GYS1: variants seen among roughly 807,000 people sequenced by gnomAD.
GYS1 encodes the protein glycogen [starch] synthase, muscle.
GYS1 carries 60 observed loss-of-function variants against 89.1 expected under a neutral mutation model. That is an observed-to-expected ratio of 0.67 (90% CI 0.55 to 0.84). The LOEUF (loss-of-function observed/expected upper bound fraction) is 0.84, where lower values mean the gene tolerates loss of function less well. GYS1 is among the 40% of genes least tolerant of loss of function. The pLI is 0.00. For synonymous variants in GYS1, 366 were observed against 401.7 expected (o/e 0.91, Z 1.06); for missense variants, 888 against 1,003.1 (o/e 0.89, Z 1.55).
At position 48,968,974 on chromosome 19, in the gene GYS1, T is replaced by C; in HGVS notation, c.*314A>G. On this transcript the variant is annotated 3_prime_UTR_variant, in exon 16 of 16. Coordinates refer to ENST00000323798, the MANE Select transcript of GYS1 (RefSeq NM_002103.5). ...CCAGACCTGAAAGCACCATGCCAGG[T>C]TTCCTAAAACCTCTGGCACCACCGC... is the stretch of plus-strand genomic sequence containing the variant. The C allele has an allele frequency of 3.4e-6, 2 of 584,954 alleles. No homozygotes were observed. The highest frequency in any genetic ancestry group is 6.4e-6 in the Non-Finnish European group (2 of 311,030). 36.2% of individuals were successfully genotyped at this position (584,954 alleles called of 1,614,324 possible).
intron 7 of GYS1, among the ~76,000 whole-genome samples, 174 bp from the exon 8 acceptor site, chr19:48,981,810 C>T (rs752845822): frequency 6.6e-6 from 1 of 152,198 alleles, no homozygotes; most frequent in Non-Finnish European, 1.5e-5. Context: ...ACTCCCCTCA[C>T]GGCCCCCCAC....
chr19:48,988,668 G>A (rs1287757122), intron 2 of GYS1, among the ~76,000 whole-genome samples: 1 of 152,116 alleles, frequency 6.6e-6, no homozygotes, highest in Non-Finnish European at 1.5e-5. Flanking sequence ...AGCCTGGAAG[G>A]GAGTGGTGCA....
chr19:48,980,676 C>CA (rs1252218454), intron 8 of GYS1, among the ~76,000 whole-genome samples: 5 of 145,274 alleles, frequency 3.4e-5, no homozygotes, highest in Non-Finnish European at 6.1e-5. Context: ...AAAAAAAAAT[C>CA]AGAGAAAAGA....
At chr19:48,974,390 C>T (rs1445006373) in intron 11 of GYS1, 51 bp from the exon 12 acceptor site, 2 of 1,604,490 alleles carry the variant, frequency 1.2e-6, no homozygotes, top group East Asian at 2.2e-5. Flanking sequence ...TAGCTAAGCC[C>T]TGAGATCCCA....
intron 2 of GYS1, among the ~76,000 whole-genome samples, chr19:48,987,736 A>G (rs564158525): frequency 3.9e-4 from 59 of 151,822 alleles, no homozygotes; most frequent in African/African-American, 1.4e-3. Flanking sequence ...TCCCGGGTTC[A>G]AGCAATTCTC....
chr19:48,984,618 T>A lies in GYS1; in HGVS notation c.823+843A>T, dbSNP rs542704549. ...GCCATGTTGGCCAGGCTGGTCTCGA[T>A]CTCCTGACCTCGTGATCTGCCCGCC... On this transcript the variant is annotated intron_variant, in intron 5 of 15. Transcript: ENST00000323798. 7.9e-5 allele frequency among the ~76,000 whole-genome samples: 12 copies of A among 152,012 alleles called. No homozygotes were observed. The South Asian group carries it at 1.2e-3, about 16-fold the overall frequency.
chr19:48,984,810 G>C (rs999693087), intron 5 of GYS1, among the ~76,000 whole-genome samples: 1 of 152,010 alleles, frequency 6.6e-6, no homozygotes, highest in African/African-American at 2.4e-5. Flanking sequence ...GAACCTGGGA[G>C]GCGGAGCTTA....
Position 48,969,303 on chromosome 19 carries a change from GC to G in GYS1, c.2198del (p.Gly733AlafsTer109). 1 of 1,564,672 alleles carries G rather than the reference GC, an allele frequency of 6.4e-7. No individual in the cohort carries two copies. The highest frequency in any genetic ancestry group is 8.6e-7 in the Non-Finnish European group (1 of 1,162,726). On this transcript the variant is annotated frameshift_variant, in exon 16 of 16. Coordinates refer to ENST00000323798, the MANE Select transcript of GYS1 (RefSeq NM_002103.5). LOFTEE classifies it high-confidence loss of function. ...SEPLSPTSSL[G>X]EERN ...TGGGGCGGACTTAGTTACGCTCCTC[GC>G]CCAGGGAGCTGGTGGGGCTGAGGGG...
rs2287754 is a variant in GYS1, at chr19:48,993,237, G to T, written c.-125C>A. ...CCGACGGGAAGCTTGCAAGACGCTCGGCTTCCTATTGCAAGACCGCACCCC... is the reference window on the plus strand; with the variant it reads ...CCGACGGGAAGCTTGCAAGACGCTCTGCTTCCTATTGCAAGACCGCACCCC... On this transcript the variant is annotated 5_prime_UTR_variant, in exon 1 of 16. Transcript: ENST00000323798. 1 of 759,216 alleles carries T rather than the reference G, an allele frequency of 1.3e-6. No homozygotes were observed. The highest frequency in any genetic ancestry group is 2.4e-6 in the Non-Finnish European group (1 of 415,494). 47.0% of individuals were successfully genotyped at this position (759,216 alleles called of 1,614,324 possible).
Position 48,991,348 on chromosome 19 carries a change from G to T in GYS1, c.254C>A (p.Pro85Gln). The T allele has an allele frequency of 6.8e-6, 11 of 1,614,036 alleles. No homozygotes were observed. Among genetic ancestry groups the T allele is most frequent in the Non-Finnish European group, 9.3e-6 (11 of 1,180,038 alleles). ...GGAATCCAGTGTCCTCTTCAGGGCC[G>T]GGGTGGGGGCCTCCAGCAGTTCCAC... ...TQVELLEAPT[P>Q]ALKRTLDSMN... Residue 85 changes from proline to glutamine, a missense_variant, in exon 2 of 16, where the codon CCG becomes CAG. Physicochemically the swap from Pro to Gln is moderately conservative, Grantham distance 76. Coordinates refer to ENST00000323798, the MANE Select transcript of GYS1 (RefSeq NM_002103.5). The surrounding 1 kb of genome is among the most constrained non-coding windows in gnomAD (Gnocchi z 4.7).
chr19:48,974,182 G>T, intron 12 of GYS1, 31 bp downstream of exon 12: 1 of 1,570,148 alleles, frequency 6.4e-7, no homozygotes, highest in South Asian at 1.2e-5. Flanking sequence ...AGGATGCCAT[G>T]ACCACGCTGT....
intron 1 of GYS1, among the ~76,000 whole-genome samples, chr19:48,992,312 C>A (rs576616596): frequency 6.6e-6 from 1 of 152,270 alleles, no homozygotes; most frequent in East Asian, 1.9e-4. Flanking sequence ...CTTTCTGAAG[C>A]CCAAGACACA....
rs13306417 is a variant in GYS1 at position 48,981,818 on chromosome 19, C to T, written c.1063-182G>A. 0.047 allele frequency among the ~76,000 whole-genome samples: 7,140 copies of T among 152,230 alleles called. 238 individuals are homozygous for T. Among genetic ancestry groups the T allele is most frequent in the East Asian group, 0.18 (947 of 5,176 alleles). On this transcript the variant is annotated intron_variant, in intron 7 of 15. Coordinates refer to ENST00000323798, the MANE Select transcript of GYS1 (RefSeq NM_002103.5). Reference sequence around the variant, plus strand: ...TCTCTATACTCCCCTCACGGCCCCCCACCATACTCAGGGGCTTTCCTACCC... The same window carrying T: ...TCTCTATACTCCCCTCACGGCCCCCTACCATACTCAGGGGCTTTCCTACCC...
chr19:48,989,916 G>A (rs571575897), intron 2 of GYS1, among the ~76,000 whole-genome samples: 30 of 148,836 alleles, frequency 2.0e-4, no homozygotes, highest in African/African-American at 5.7e-4. Context: ...AAGCAGCCCC[G>A]CTCCTCGCCG....
chr19:48,982,858 C>A, intron 5 of GYS1, 21 bp from the exon 6 acceptor site: 1 of 1,403,052 alleles, frequency 7.1e-7, no homozygotes, highest in Non-Finnish European at 1.0e-6. Context: ...GGGTGAGGGT[C>A]CCATGTTTTA....
rs773344920 is a variant in GYS1, at chr19:48,968,761, T to C, written c.*527A>G. ...CCCTCCCAGAGCCCCACTTCTGGAGTTGAAATGGAGGACCATCTGCTCTCA... is the reference window on the plus strand; with the variant it reads ...CCCTCCCAGAGCCCCACTTCTGGAGCTGAAATGGAGGACCATCTGCTCTCA... On this transcript the variant is annotated 3_prime_UTR_variant, in exon 16 of 16. Coordinates refer to ENST00000323798, the MANE Select transcript of GYS1 (RefSeq NM_002103.5). 18 of 453,760 alleles carry C rather than the reference T, an allele frequency of 4.0e-5. No homozygotes were observed. The highest frequency in any genetic ancestry group is 7.1e-5 in the Non-Finnish European group (16 of 226,804). The allele number at this position is 453,760 out of a possible 1,614,324, so 28.1% of individuals were successfully genotyped here.
At chr19:48,970,891 G>A (rs1296270544) in intron 13 of GYS1, 37 bp downstream of exon 13, 2 of 1,523,342 alleles carry the variant, frequency 1.3e-6, no homozygotes, top group Admixed American at 3.3e-5. Context: ...CTGTTCTCAA[G>A]CCCCCTTCCA....
In GYS1 at chr19:48,969,279, G is replaced by A. The variant is rs1259253429; in HGVS notation, c.*9C>T. 4 of 1,536,380 alleles carry A rather than the reference G, an allele frequency of 2.6e-6. No homozygotes were observed. Among genetic ancestry groups the A allele is most frequent in the Non-Finnish European group, 3.5e-6 (4 of 1,147,542 alleles). Reference sequence around the variant, plus strand: ...AGGCAGGACAGGCGGGGAGTGTGGTGGGGCGGACTTAGTTACGCTCCTCGC... The same window carrying A: ...AGGCAGGACAGGCGGGGAGTGTGGTAGGGCGGACTTAGTTACGCTCCTCGC... On this transcript the variant is annotated 3_prime_UTR_variant, in exon 16 of 16. Transcript: ENST00000323798.
intron 5 of GYS1, 130 bp downstream of exon 5, chr19:48,985,331 C>G: frequency 1.1e-6 from 1 of 924,048 alleles, no homozygotes; most frequent in East Asian, 2.6e-5. Flanking sequence ...GCCACCATGC[C>G]CAGCCGAAAT....
Sources: allele counts gnomAD v4.1 joint callset (sites outside exome capture counted in the v4.1 genomes callset), GRCh38; gene constraint gnomAD v4.1.1; non-coding constraint Gnocchi (gnomAD v3.1); transcripts MANE v1.5; gene names NCBI Gene and HGNC (gene_info 2026-07-23, HGNC 2026-07-21).